Variants in EGFL6 observed in about 807,000 individuals in gnomAD.
EGFL6 encodes the protein epidermal growth factor-like protein 6.
A neutral mutation model predicts 43.1 loss-of-function variants in EGFL6; 42 were observed. The observed-to-expected ratio is 0.98, with a 90% CI of 0.76 to 1.26. EGFL6 has a LOEUF of 1.26. Ranked by LOEUF, EGFL6 falls within the 50% of genes most tolerant of loss-of-function variation. The probability of loss-of-function intolerance (pLI) is 0.00; values close to 1 mark genes in which losing one functional copy is unlikely to be tolerated. For missense variants in EGFL6, 429 were observed against 427.8 expected (o/e 1.00, Z -0.02); for synonymous variants, 164 against 163.2 (o/e 1.01, Z -0.04).
chrX:13,570,468 T>C (rs1337802809), intron 1 of EGFL6, among the ~76,000 whole-genome samples: 1 of 111,810 alleles, frequency 8.9e-6, no homozygotes, highest in African/African-American at 3.3e-5. Context: ...CACTGCTCTC[T>C]GATTAGGGTT....
At chrX:13,595,966 C>T (rs1009669054) in intron 3 of EGFL6, among the ~76,000 whole-genome samples, 8 of 110,980 alleles carry the variant, frequency 7.2e-5, no homozygotes, top group Admixed American at 1.9e-4. Context: ...GCCATCCTCC[C>T]GCCTTGCCCT....
chrX:13,610,835 G>T (rs2045685243), intron 7 of EGFL6, among the ~76,000 whole-genome samples: 1 of 111,343 alleles, frequency 9.0e-6, no homozygotes, highest in African/African-American at 3.3e-5. Flanking sequence ...TGGTAGTACT[G>T]TGGTGGGTTC....
chrX:13,596,733 C>T (rs187266154), intron 3 of EGFL6, among the ~76,000 whole-genome samples: 47 of 111,561 alleles, frequency 4.2e-4, no homozygotes, highest in East Asian at 5.6e-4. Flanking sequence ...AGCCTTATCC[C>T]GGGCAACATC....
intron 1 of EGFL6, among the ~76,000 whole-genome samples, chrX:13,585,812 C>A (rs925034033): frequency 9.0e-6 from 1 of 111,526 alleles, no homozygotes; most frequent in African/African-American, 3.3e-5. Context: ...ATGTCACCTA[C>A]CCTGTGACAT....
chrX:13,587,529 A>C (rs2045540166), intron 1 of EGFL6, among the ~76,000 whole-genome samples: 1 of 111,722 alleles, frequency 9.0e-6, no homozygotes, highest in Admixed American at 9.5e-5. Flanking sequence ...GGAAATTTAC[A>C]ATACATTGTT....
At chrX:13,615,165 C>T (rs1330758112) in intron 7 of EGFL6, among the ~76,000 whole-genome samples, 1 of 112,848 alleles carries the variant, frequency 8.9e-6, no homozygotes, top group Non-Finnish European at 1.9e-5. Context: ...TCCAAATCTA[C>T]TTATGCATAT....
intron 4 of EGFL6, 75 bp downstream of exon 4, chrX:13,600,169 G>C: frequency 9.7e-7 from 1 of 1,035,712 alleles, no homozygotes; most frequent in Admixed American, 2.8e-5. Flanking sequence ...TTGGGGAAAA[G>C]CTGACTTCAG....
chrX:13,569,780 AGGC>A lies in EGFL6; in HGVS notation c.-75_-73del. ...GGACCCGAGCGGCTGAGGAGAGAGG[AGGC>A]GGCGGCTTAGCTGCTACGGGGTCCG... On this transcript the variant is annotated 5_prime_UTR_variant, in exon 1 of 12. Coordinates refer to ENST00000361306, the MANE Select transcript of EGFL6 (RefSeq NM_015507.4). 1.0e-6 allele frequency: 1 copy of A among 976,674 alleles called. No homozygotes were observed. The highest frequency in any genetic ancestry group is 1.5e-6 in the Non-Finnish European group (1 of 688,491). 80.5% of individuals were successfully genotyped at this position (976,674 alleles called of 1,213,427 possible). A position where few individuals can be genotyped will look rare whatever the true frequency, so the allele number is the denominator to read the frequency against.
At chrX:13,584,191 A>G (rs752619963) in intron 1 of EGFL6, among the ~76,000 whole-genome samples, 2 of 112,078 alleles carry the variant, frequency 1.8e-5, no homozygotes, top group South Asian at 3.7e-4. Context: ...TAGTAGAGCC[A>G]GAATTCAAAC....
intron 1 of EGFL6, among the ~76,000 whole-genome samples, chrX:13,582,566 T>G (rs753754511): frequency 1.1e-4 from 12 of 110,971 alleles, no homozygotes; most frequent in Middle Eastern, 4.7e-3. Context: ...TCATTAACAT[T>G]TGGGGGAGTT....
intron 7 of EGFL6, among the ~76,000 whole-genome samples, chrX:13,614,922 A>G (rs2045710495): frequency 9.0e-6 from 1 of 110,837 alleles, no homozygotes; most frequent in Non-Finnish European, 1.9e-5. Context: ...TAATTTTTGT[A>G]TTTTTAGTAG....
Position 13,632,402 on chromosome X carries a change from C to T in EGFL6, c.1552-583C>T, listed in dbSNP as rs774334886. The stretch of plus-strand genomic sequence containing the variant: ...CTGCAAGCTCCGCCTCCCGGGTTCA[C>T]GCCATTCTCCTGCCTCAGCCTCCGA... On this transcript the variant is annotated intron_variant, in intron 11 of 11. Coordinates refer to ENST00000361306, the MANE Select transcript of EGFL6 (RefSeq NM_015507.4). 7.6e-3 allele frequency among the ~76,000 whole-genome samples: 790 copies of T among 104,540 alleles called. 8 individuals are homozygous for T. Among genetic ancestry groups the T allele is most frequent in the African/African-American group, 0.025 (717 of 28,510 alleles). 90.8% of individuals were successfully genotyped at this position (104,540 alleles called of 115,157 possible). A position where few individuals can be genotyped will look rare whatever the true frequency, so the allele number is the denominator to read the frequency against.
intron 7 of EGFL6, among the ~76,000 whole-genome samples, chrX:13,613,833 G>A (rs2045705080): frequency 8.9e-6 from 1 of 111,964 alleles, no homozygotes; most frequent in Non-Finnish European, 1.9e-5. Flanking sequence ...AAAATATGCT[G>A]ATTGCTTAAT....
intron 11 of EGFL6, among the ~76,000 whole-genome samples, chrX:13,631,363 G>A (rs2045809690): frequency 1.8e-5 from 2 of 111,948 alleles, no homozygotes; most frequent in African/African-American, 6.5e-5. Flanking sequence ...TTACTGGATA[G>A]GTGCTCCATA....
At chrX:13,600,986 C>A (rs2045631491) in intron 4 of EGFL6, among the ~76,000 whole-genome samples, 2 of 110,490 alleles carry the variant, frequency 1.8e-5, no homozygotes, top group Non-Finnish European at 1.9e-5. Flanking sequence ...CAGCCCCTGG[C>A]AACTACAAAT....
rs10635510 is a variant in EGFL6 at position 13,598,863 on chromosome X, CAT to C, written c.281-1105_281-1104del. 5.1e-5 allele frequency among the ~76,000 whole-genome samples: 5 copies of C among 98,667 alleles called. No individual in the cohort carries two copies. The Admixed American group carries it at 5.8e-4, about 11-fold the overall frequency. 85.7% of individuals were successfully genotyped at this position (98,667 alleles called of 115,157 possible). On this transcript the variant is annotated intron_variant, in intron 3 of 11. Coordinates refer to ENST00000361306, the MANE Select transcript of EGFL6 (RefSeq NM_015507.4). Reference sequence around the variant, plus strand: ...ATATATATAATTCACATATATAATTCATATATATTTCATATATATAATTCACA... The same window carrying C: ...ATATATATAATTCACATATATAATTCATATATTTCATATATATAATTCACA...
intron 1 of EGFL6, among the ~76,000 whole-genome samples, chrX:13,577,298 TTATATA>T (rs1199851773): frequency 0.063 from 1,507 of 23,952 alleles, 14 homozygotes; most frequent in African/African-American, 0.065. Context: ...TATATGAATT[TTATATA>T]TATATATATA....
intron 1 of EGFL6, among the ~76,000 whole-genome samples, chrX:13,583,142 T>C (rs1403243407): frequency 1.8e-5 from 2 of 109,612 alleles, no homozygotes; most frequent in African/African-American, 6.7e-5. Flanking sequence ...ACCATTCCCC[T>C]GCTGCCCTTC....
intron 7 of EGFL6, among the ~76,000 whole-genome samples, chrX:13,613,004 G>T (rs1462611687): frequency 2.8e-5 from 3 of 108,731 alleles, no homozygotes; most frequent in Non-Finnish European, 5.7e-5. Flanking sequence ...AATTAGCCAG[G>T]CATGGTGGTG....
Sources: gnomAD v4.1 joint callset for allele counts (sites outside exome capture counted in the v4.1 genomes callset) on GRCh38, gnomAD v4.1.1 for gene constraint, MANE v1.5 for transcripts, NCBI Gene and HGNC (gene_info 2026-07-23, HGNC 2026-07-21) for gene names.